Variants in ATP13A3 observed in about 807,000 individuals in gnomAD.
ATP13A3 encodes ATPase 13A3.
Under a neutral mutation model 158.1 loss-of-function variants are expected in ATP13A3, and 59 were observed. The observed-to-expected ratio is 0.37, with a 90% CI of 0.30 to 0.46. The LOEUF is 0.46. ATP13A3 is among the 20% of genes least tolerant of loss of function. ATP13A3 has a pLI of 1.00. For missense variants in ATP13A3, 1,166 were observed against 1,525.2 expected (o/e 0.76, Z 3.92); for synonymous variants, 491 against 504.3 (o/e 0.97, Z 0.35).
In ATP13A3 at chr3:194,437,480, A is replaced by G; in HGVS notation, c.1846-16T>C. On this transcript the variant is annotated splice_polypyrimidine_tract_variant and intron_variant, in intron 18 of 33. Transcript: ENST00000645319. ...CATAAGTAGCCTATATCATTTCAAA[A>G]GAGGCACAAAGCACTTAATATTCTT... 6.2e-7 allele frequency: 1 copy of G among 1,614,074 alleles called. No individual in the cohort carries two copies. The highest frequency in any genetic ancestry group is 8.5e-7 in the Non-Finnish European group (1 of 1,180,000).
intron 2 of ATP13A3, among the ~76,000 whole-genome samples, chr3:194,469,329 A>G (rs114044216): frequency 0.024 from 3,697 of 152,014 alleles, 92 homozygotes; most frequent in African/African-American, 0.065. Flanking sequence ...GTGGTGGTGC[A>G]TATCTGTAAT....
intron 2 of ATP13A3, among the ~76,000 whole-genome samples, chr3:194,474,484 T>C (rs1045760323): frequency 2.0e-5 from 3 of 152,152 alleles, no homozygotes; most frequent in African/African-American, 7.2e-5. Flanking sequence ...CTTAATATAA[T>C]AGAAATTGAC....
chr3:194,463,410 A>T (rs1719795137), intron 2 of ATP13A3, among the ~76,000 whole-genome samples: 1 of 152,144 alleles, frequency 6.6e-6, no homozygotes, highest in Admixed American at 6.5e-5. Context: ...TCTTCCAAAA[A>T]TGTTACTTAA....
chr3:194,406,529 T>C (rs1714949122), intron 33 of ATP13A3, among the ~76,000 whole-genome samples: 2 of 152,362 alleles, frequency 1.3e-5, no homozygotes, highest in Middle Eastern at 3.4e-3. Flanking sequence ...TCTTGTGTAC[T>C]AATACCTTTT....
rs572162934 is a variant in ATP13A3 at position 194,484,290 on chromosome 3, A to T, written c.-47+1504T>A. Among the ~76,000 whole-genome samples the T allele has an allele frequency of 7.2e-5, 11 of 152,200 alleles. No individual in the cohort carries two copies. The South Asian group carries it at 2.3e-3, about 32-fold the overall frequency. ...ATATTGTTACCTGAAAGTGTTGAGG[A>T]TTAGTTGAGACCATATGTAAAGAAA... On this transcript the variant is annotated intron_variant, in intron 2 of 33. Coordinates refer to ENST00000645319, the MANE Select transcript of ATP13A3 (RefSeq NM_001367549.1).
At chr3:194,450,821 T>C (rs1423619395) in intron 10 of ATP13A3, 1 of 152,382 alleles carries the variant, frequency 6.6e-6, no homozygotes, top group Non-Finnish European at 1.5e-5. Flanking sequence ...TATGAGTAAA[T>C]TCATTAAATA....
chr3:194,421,336 G>A (rs1228822830), intron 30 of ATP13A3, among the ~76,000 whole-genome samples: 3 of 147,072 alleles, frequency 2.0e-5, no homozygotes, highest in Non-Finnish European at 4.5e-5. Flanking sequence ...GGCGGATCAC[G>A]AGGTCAGGAT....
At chr3:194,411,039 G>T (rs1273270202) in intron 33 of ATP13A3, among the ~76,000 whole-genome samples, 1 of 146,028 alleles carries the variant, frequency 6.8e-6, no homozygotes, top group Non-Finnish European at 1.5e-5. Flanking sequence ...GCACTACTAG[G>T]GACAACTGGT....
intron 11 of ATP13A3, among the ~76,000 whole-genome samples, chr3:194,449,134 G>A (rs1367197689): frequency 6.6e-6 from 1 of 151,362 alleles, no homozygotes; most frequent in East Asian, 1.9e-4. Context: ...GTGAAAATGA[G>A]TAATGTGGTG....
intron 11 of ATP13A3, among the ~76,000 whole-genome samples, chr3:194,449,286 G>A (rs1275342211): frequency 3.9e-5 from 6 of 152,024 alleles, no homozygotes; most frequent in African/African-American, 1.5e-4. Context: ...GTGTTTGTGT[G>A]TTTTAAGACA....
At chr3:194,450,609 C>A (rs538857512) in intron 10 of ATP13A3, 52 of 224,054 alleles carry the variant, frequency 2.3e-4, no homozygotes, top group African/African-American at 1.2e-3. Context: ...AATGAGTCCA[C>A]AAAGGAGATG....
rs145010756 is a variant in ATP13A3, at chr3:194,481,706, A to G, written c.-47+4088T>C. Among the ~76,000 whole-genome samples the G allele has an allele frequency of 2.6e-5, 4 of 152,362 alleles. No homozygotes were observed. The East Asian group carries it at 7.7e-4, about 29-fold the overall frequency. On this transcript the variant is annotated intron_variant, in intron 2 of 33. Transcript: ENST00000645319. ...CATCAGTTACAAGTATTTTTACTTC[A>G]AACTTGAGAAAGATTCTGTAGACAT...
chr3:194,431,063 A>G, intron 23 of ATP13A3, 41 bp from the exon 24 acceptor site: 1 of 1,613,654 alleles, frequency 6.2e-7, no homozygotes, highest in Non-Finnish European at 8.5e-7. Flanking sequence ...TACTGTTGCG[A>G]TGCATTCATG....
At chr3:194,444,607 C>A in intron 15 of ATP13A3, 118 bp downstream of exon 15, 1 of 786,618 alleles carries the variant, frequency 1.3e-6, no homozygotes, top group Admixed American at 3.1e-5. Flanking sequence ...GCAACATGTC[C>A]ACGGTTTAAT....
At chr3:194,406,166 C>T (rs756750498) in intron 33 of ATP13A3, 50 bp from the exon 34 acceptor site, 6 of 1,586,004 alleles carry the variant, frequency 3.8e-6, no homozygotes, top group East Asian at 2.2e-5. Context: ...TGATTAAAGG[C>T]TTGTCGTTTT....
Position 194,415,661 on chromosome 3 carries a change from C to CTGTTTTTTTTTTT in ATP13A3, c.3403-1823_3403-1822insAAAAAAAAAAACA, listed in dbSNP as rs1208643552. On this transcript the variant is annotated intron_variant, in intron 31 of 33. Coordinates refer to ENST00000645319, the MANE Select transcript of ATP13A3 (RefSeq NM_001367549.1). ...GTGCAAGGATTTACAATACCACATTCTTTTTTTTTTTTTTTTTTTTTTTTT... is the reference window on the plus strand; with the variant it reads ...GTGCAAGGATTTACAATACCACATTCTGTTTTTTTTTTTTTTTTTTTTTTTTTTTTTTTTTTTT... Among the ~76,000 whole-genome samples, 6 of 90,926 alleles carry CTGTTTTTTTTTTT rather than the reference C, an allele frequency of 6.6e-5. No individual in the cohort carries two copies. The East Asian group carries it at 1.3e-3, about 19-fold the overall frequency. 59.7% of individuals were successfully genotyped at this position (90,926 alleles called of 152,430 possible).
intron 2 of ATP13A3, among the ~76,000 whole-genome samples, chr3:194,468,955 G>A (rs962605003): frequency 6.6e-6 from 1 of 152,166 alleles, no homozygotes; most frequent in Non-Finnish European, 1.5e-5. Flanking sequence ...TCAGCATGGT[G>A]AAACCCCATC....
At chr3:194,446,847 CAAAGA>C (rs1268278265) in intron 14 of ATP13A3, 75 bp downstream of exon 14, 3 of 1,347,404 alleles carry the variant, frequency 2.2e-6, no homozygotes, top group Admixed American at 2.6e-5. Context: ...AATTTGTTGA[CAAAGA>C]AAATAAAAAA....
At chr3:194,427,381 T>C (rs1351590508) in intron 28 of ATP13A3, 129 bp from the exon 29 acceptor site, 3 of 802,940 alleles carry the variant, frequency 3.7e-6, no homozygotes, top group Non-Finnish European at 3.8e-6. Context: ...ACAAAAAATC[T>C]TCAAAAACCA....
Sources: allele counts gnomAD v4.1 joint callset (sites outside exome capture counted in the v4.1 genomes callset), GRCh38; gene constraint gnomAD v4.1.1; transcripts MANE v1.5; gene names NCBI Gene and HGNC (gene_info 2026-07-23, HGNC 2026-07-21).